TBL1XR1: variants seen among roughly 807,000 people sequenced by gnomAD.
TBL1XR1 encodes the protein TBL1X/Y related 1.
A neutral mutation model predicts 66.9 loss-of-function variants in TBL1XR1; 5 were observed. That is an observed-to-expected ratio of 0.07 (90% CI 0.04 to 0.16). The LOEUF is 0.16. Ranked by LOEUF, TBL1XR1 falls within the 10% of genes least tolerant of loss-of-function variation. The pLI, the probability that TBL1XR1 is intolerant of heterozygous loss-of-function variation, is 1.00. For synonymous variants in TBL1XR1, 210 were observed against 206.0 expected (o/e 1.02, Z -0.17); for missense variants, 238 against 623.2 (o/e 0.38, Z 6.58).
intron 2 of TBL1XR1, among the ~76,000 whole-genome samples, chr3:177,092,932 A>G (rs1211003573): frequency 6.6e-6 from 1 of 152,136 alleles, no homozygotes; most frequent in South Asian, 2.1e-4. Context: ...TATGACTTCT[A>G]TTCAACATAG....
At chr3:177,056,231 CTTTA>C (rs1717790135) in intron 3 of TBL1XR1, among the ~76,000 whole-genome samples, 1 of 152,158 alleles carries the variant, frequency 6.6e-6, no homozygotes, top group Non-Finnish European at 1.5e-5. Context: ...TTTCTGTATA[CTTTA>C]TTCATGACTG....
intron 3 of TBL1XR1, among the ~76,000 whole-genome samples, chr3:177,060,901 C>G (rs1339450631): frequency 6.6e-6 from 1 of 152,198 alleles, no homozygotes; most frequent in Non-Finnish European, 1.5e-5. Context: ...TTAATCGTTA[C>G]TTACAGTATT....
chr3:177,083,539 T>G (rs943256223), intron 2 of TBL1XR1, among the ~76,000 whole-genome samples: 8 of 152,330 alleles, frequency 5.3e-5, no homozygotes, highest in African/African-American at 1.7e-4. Flanking sequence ...AACAACATAT[T>G]AACAGGAATC....
chr3:177,163,970 T>C (rs1271170043), intron 1 of TBL1XR1: 1 of 152,168 alleles, frequency 6.6e-6, no homozygotes, highest in Non-Finnish European at 1.5e-5. Flanking sequence ...ATATATACCT[T>C]TACTCACCTC....
chr3:177,194,181 G>A (rs1736532784), intron 1 of TBL1XR1: 1 of 152,180 alleles, frequency 6.6e-6, no homozygotes, highest in Non-Finnish European at 1.5e-5. Flanking sequence ...CACCTTCGTG[G>A]TACCTAAACT....
chr3:177,146,989 A>G (rs1273980525), intron 1 of TBL1XR1, among the ~76,000 whole-genome samples: 2 of 152,060 alleles, frequency 1.3e-5, no homozygotes, highest in Non-Finnish European at 2.9e-5. Context: ...ATTCAGATTC[A>G]GATCATGATT....
intron 1 of TBL1XR1, among the ~76,000 whole-genome samples, chr3:177,143,171 C>T (rs1729826284): frequency 6.6e-6 from 1 of 151,768 alleles, no homozygotes; most frequent in Non-Finnish European, 1.5e-5. Context: ...CAATATTAAT[C>T]AATCAACAAT....
chr3:177,170,060 T>A (rs890271775), intron 1 of TBL1XR1, among the ~76,000 whole-genome samples: 1 of 152,114 alleles, frequency 6.6e-6, no homozygotes, highest in African/African-American at 2.4e-5. Context: ...GAACCACTAT[T>A]CCACTGTTCC....
chr3:177,163,037 C>T (rs2071385478), intron 1 of TBL1XR1, among the ~76,000 whole-genome samples: 1 of 152,058 alleles, frequency 6.6e-6, no homozygotes, highest in Non-Finnish European at 1.5e-5. Flanking sequence ...CCAGCAATTC[C>T]AATTATTTAT....
At chr3:177,135,385 ATGTAT>A (rs1335500897) in intron 1 of TBL1XR1, among the ~76,000 whole-genome samples, 33 of 80,380 alleles carry the variant, frequency 4.1e-4, no homozygotes, top group East Asian at 1.1e-3. Context: ...ATATATATGT[ATGTAT>A]TTTTTTTTTA....
upstream of TBL1XR1, among the ~76,000 whole-genome samples, chr3:177,198,359 T>C (rs559894320): frequency 8.5e-5 from 13 of 152,336 alleles, no homozygotes; most frequent in East Asian, 1.7e-3. Flanking sequence ...TCAGTTCTTA[T>C]TTCACAAAAA....
intron 2 of TBL1XR1, among the ~76,000 whole-genome samples, chr3:177,072,062 C>G (rs1183589947): frequency 6.6e-6 from 1 of 152,186 alleles, no homozygotes; most frequent in Non-Finnish European, 1.5e-5. Flanking sequence ...CAGATTCTAA[C>G]TGCAAAGTTA....
At chr3:177,122,670 C>T (rs1028066914) in intron 1 of TBL1XR1, among the ~76,000 whole-genome samples, 1 of 152,046 alleles carries the variant, frequency 6.6e-6, no homozygotes, top group East Asian at 1.9e-4. Context: ...TGGCTTCTAG[C>T]AGATAGGGCT....
chr3:177,115,328 TTAA>T (rs1322874419), intron 1 of TBL1XR1, among the ~76,000 whole-genome samples: 1 of 152,206 alleles, frequency 6.6e-6, no homozygotes, highest in African/African-American at 2.4e-5. Context: ...TCAAATTTAC[TTAA>T]TAACATAATC....
At chr3:177,198,531 G>A (rs1411388594), upstream of TBL1XR1, among the ~76,000 whole-genome samples, 1 of 152,144 alleles carries the variant, frequency 6.6e-6, no homozygotes, top group African/African-American at 2.4e-5. Flanking sequence ...GGTTGAGGGA[G>A]GGTTGTTTTT....
At chr3:177,174,412 A>AAG (rs1397609914) in intron 1 of TBL1XR1, among the ~76,000 whole-genome samples, 2 of 145,266 alleles carry the variant, frequency 1.4e-5, no homozygotes, top group Non-Finnish European at 3.0e-5. Context: ...CCATCTCAAA[A>AAG]AAAAAAAAAA....
At chr3:177,045,329 T>C (rs1716176067) in intron 10 of TBL1XR1, among the ~76,000 whole-genome samples, 1 of 152,056 alleles carries the variant, frequency 6.6e-6, no homozygotes, top group Non-Finnish European at 1.5e-5. Context: ...CTAAAACCAC[T>C]GGGTATCTTG....
intron 2 of TBL1XR1, among the ~76,000 whole-genome samples, chr3:177,096,323 A>ACACACACACACACACAC (rs1723470108): frequency 9.4e-6 from 1 of 106,016 alleles, no homozygotes; most frequent in African/African-American, 3.3e-5. Flanking sequence ...AACACACACT[A>ACACACACACACACACAC]ACATACATAC....
At chr3:177,199,379 CTTT>C (rs11293475), upstream of TBL1XR1, among the ~76,000 whole-genome samples, 3 of 145,124 alleles carry the variant, frequency 2.1e-5, no homozygotes, top group Non-Finnish European at 3.0e-5. Context: ...TAGTATCTTC[CTTT>C]TTTTTTTTTT....
Sources: allele counts gnomAD v4.1 joint callset (sites outside exome capture counted in the v4.1 genomes callset), GRCh38; gene constraint gnomAD v4.1.1; transcripts MANE v1.5; gene names NCBI Gene and HGNC (gene_info 2026-07-23, HGNC 2026-07-21).